TACR3: variants seen among roughly 807,000 people sequenced by gnomAD.
The protein encoded by TACR3 is neuromedin-K receptor.
In TACR3, 34 loss-of-function variants were observed where a neutral mutation model predicts 35.0. The ratio of observed to expected loss-of-function variants is 0.97; its 90% CI spans 0.74 to 1.30. The LOEUF is 1.30. Ranked by LOEUF, TACR3 falls within the 50% of genes most tolerant of loss-of-function variation. TACR3 has a pLI of 0.00. For missense variants in TACR3, 558 were observed against 591.7 expected, an observed-to-expected ratio of 0.94 and a Z score of 0.59; for synonymous variants, 233 against 221.1, an observed-to-expected ratio of 1.05 and a Z score of -0.48.
chr4:103,616,672 C>A (rs186197809), intron 3 of TACR3, among the ~76,000 whole-genome samples: 1 of 152,132 alleles, frequency 6.6e-6, no homozygotes, highest in Non-Finnish European at 1.5e-5. Flanking sequence ...CTCAGCCAGG[C>A]GCAGTGGCTC....
chr4:103,694,308 A>G (rs557063766), intron 1 of TACR3, among the ~76,000 whole-genome samples: 1 of 144,760 alleles, frequency 6.9e-6, no homozygotes, highest in Non-Finnish European at 1.5e-5. Flanking sequence ...ACTAATCTTG[A>G]GACACACCAA....
intron 1 of TACR3, among the ~76,000 whole-genome samples, chr4:103,701,191 T>G (rs1459633826): frequency 1.3e-5 from 2 of 152,156 alleles, no homozygotes; most frequent in African/African-American, 2.4e-5. Flanking sequence ...GATAGGCAAC[T>G]TCAGCAAAGT....
At chr4:103,595,665 TTAAC>T (rs1489225285) in intron 3 of TACR3, among the ~76,000 whole-genome samples, 1 of 152,112 alleles carries the variant, frequency 6.6e-6, no homozygotes, top group East Asian at 1.9e-4. Flanking sequence ...GTTTAGGAAA[TTAAC>T]TAAAATGCTG....
At position 103,591,817 on chromosome 4, in the gene TACR3, T is replaced by C. The variant is rs1035993734; in HGVS notation, c.889-134A>G. The C allele has an allele frequency of 7.8e-6, 7 of 898,390 alleles. No individual in the cohort carries two copies. The African/African-American group carries it at 8.3e-5, about 11-fold the overall frequency. The allele number at this position is 898,390 out of a possible 1,614,324, so 55.7% of individuals were successfully genotyped here. A position where few individuals can be genotyped will look rare whatever the true frequency, so the allele number is the denominator to read the frequency against. ...AGGGAATAGTCAATATATTAAAAAA[T>C]GGTGAAGCAATATACGGACAGTTGC... On this transcript the variant is annotated intron_variant, in intron 3 of 4. Transcript: ENST00000304883.
chr4:103,686,022 TA>T (rs1722224823), intron 1 of TACR3, among the ~76,000 whole-genome samples: 2 of 152,144 alleles, frequency 1.3e-5, no homozygotes, highest in South Asian at 4.1e-4. Flanking sequence ...TCTCAGTTGT[TA>T]AAACAATCAG....
At chr4:103,677,470 G>A (rs937761777) in intron 1 of TACR3, among the ~76,000 whole-genome samples, 7 of 152,016 alleles carry the variant, frequency 4.6e-5, no homozygotes, top group Non-Finnish European at 1.0e-4. Context: ...ATGCCCATCA[G>A]CAATAGACTA....
chr4:103,592,728 A>G (rs938348879), intron 3 of TACR3, among the ~76,000 whole-genome samples: 6 of 152,226 alleles, frequency 3.9e-5, no homozygotes, highest in African/African-American at 1.4e-4. Flanking sequence ...AGGGCCTATG[A>G]GGCACCTCAG....
intron 3 of TACR3, among the ~76,000 whole-genome samples, chr4:103,605,849 T>C: frequency 6.6e-6 from 1 of 152,208 alleles, no homozygotes; most frequent in Non-Finnish European, 1.5e-5. Context: ...TTTGTCAATT[T>C]TGTCTTTGGT....
chr4:103,598,280 G>A (rs572135427), intron 3 of TACR3, among the ~76,000 whole-genome samples: 43 of 152,136 alleles, frequency 2.8e-4, no homozygotes, highest in African/African-American at 7.2e-4. Flanking sequence ...CATATCCTTC[G>A]CCCACTTTTT....
chr4:103,682,848 G>A (rs925007218), intron 1 of TACR3, among the ~76,000 whole-genome samples: 1 of 152,134 alleles, frequency 6.6e-6, no homozygotes, highest in Non-Finnish European at 1.5e-5. Flanking sequence ...ATTGTTGTGT[G>A]TGTGGCTGTA....
chr4:103,649,036 A>G (rs1725524700), intron 3 of TACR3, among the ~76,000 whole-genome samples: 1 of 152,086 alleles, frequency 6.6e-6, no homozygotes, highest in East Asian at 1.9e-4. Flanking sequence ...TTTGATGATC[A>G]ATAATGTTGA....
chr4:103,639,306 C>G (rs1360586591), intron 3 of TACR3, among the ~76,000 whole-genome samples: 3 of 151,994 alleles, frequency 2.0e-5, no homozygotes, highest in Non-Finnish European at 4.4e-5. Context: ...ATGGATGAAA[C>G]TGGAAACCAT....
chr4:103,600,932 T>A (rs1440226120), intron 3 of TACR3, among the ~76,000 whole-genome samples: 5 of 152,144 alleles, frequency 3.3e-5, no homozygotes, highest in Non-Finnish European at 5.9e-5. Context: ...AGAATGCATA[T>A]TTTGTTGATT....
At chr4:103,599,505 G>T (rs557500835) in intron 3 of TACR3, among the ~76,000 whole-genome samples, 364 of 152,292 alleles carry the variant, frequency 2.4e-3, no homozygotes, top group African/African-American at 8.4e-3. Context: ...AATAGGAGTG[G>T]TGAGAGAGGG....
intron 1 of TACR3, among the ~76,000 whole-genome samples, chr4:103,718,841 T>C (rs1034040933): frequency 1.3e-5 from 2 of 152,172 alleles, no homozygotes; most frequent in African/African-American, 4.8e-5. Context: ...TTTGCCCTAC[T>C]TGGAAGGGCA....
rs533052161 is a variant in TACR3, at chr4:103,587,466, C to T, written c.*2216G>A. 6.6e-6 allele frequency: 1 copy of T among 152,068 alleles called. No homozygotes were observed. Among genetic ancestry groups the T allele is most frequent in the East Asian group, 1.9e-4 (1 of 5,178 alleles). 9.4% of individuals were successfully genotyped at this position (152,068 alleles called of 1,614,324 possible). On this transcript the variant is annotated 3_prime_UTR_variant, in exon 5 of 5. Coordinates refer to ENST00000304883, the MANE Select transcript of TACR3 (RefSeq NM_001059.3). ...TATGTTCACAGAAGCCAAAGCAAAC[C>T]AACAATCCAACTGACGAGGCCAGTA...
chr4:103,653,608 A>T (rs1248392579), intron 3 of TACR3, among the ~76,000 whole-genome samples: 1 of 152,150 alleles, frequency 6.6e-6, no homozygotes, highest in Non-Finnish European at 1.5e-5. Flanking sequence ...AAGAAAACCT[A>T]GGCAATACCA....
chr4:103,602,027 C>G (rs944155673), intron 3 of TACR3, among the ~76,000 whole-genome samples: 1 of 152,222 alleles, frequency 6.6e-6, no homozygotes, highest in African/African-American at 2.4e-5. Context: ...GTACACCAAT[C>G]AGACGTAGAT....
At chr4:103,634,872 T>C (rs1725144139) in intron 3 of TACR3, among the ~76,000 whole-genome samples, 1 of 152,088 alleles carries the variant, frequency 6.6e-6, no homozygotes, top group African/African-American at 2.4e-5. Flanking sequence ...AGCTTCAACT[T>C]CCTTATTTGC....
Sources: allele counts gnomAD v4.1 joint callset (sites outside exome capture counted in the v4.1 genomes callset), GRCh38; gene constraint gnomAD v4.1.1; transcripts MANE v1.5; gene names NCBI Gene and HGNC (gene_info 2026-07-23, HGNC 2026-07-21).